Variants in CDYL observed in about 807,000 individuals in gnomAD.
CDYL encodes the protein chromodomain Y-like protein.
CDYL carries 8 observed loss-of-function variants against 47.3 expected under a neutral mutation model. The observed-to-expected ratio is 0.17, with a 90% CI of 0.10 to 0.31. The LOEUF (loss-of-function observed/expected upper bound fraction) is 0.31, where lower values mean the gene tolerates loss of function less well. CDYL is among the 10% of genes least tolerant of loss of function. The pLI is 1.00. For synonymous variants in CDYL, 266 were observed against 265.0 expected, an observed-to-expected ratio of 1.00 and a Z score of -0.04; for missense variants, 471 against 701.4, an observed-to-expected ratio of 0.67 and a Z score of 3.71.
At chr6:4,788,477 T>G (rs1758819969) in intron 1 of CDYL, among the ~76,000 whole-genome samples, 1 of 54,228 alleles carries the variant, frequency 1.8e-5, no homozygotes, top group Admixed American at 2.8e-4. Flanking sequence ...AGTGAGACTC[T>G]GTCAAAAAAA....
chr6:4,909,905 C>A (rs1389928906), intron 2 of CDYL, among the ~76,000 whole-genome samples: 1 of 152,098 alleles, frequency 6.6e-6, no homozygotes. Context: ...GCCTACAGGA[C>A]CCTTTGGGGC....
intron 3 of CDYL, among the ~76,000 whole-genome samples, chr6:4,742,098 T>G (rs1025842139): frequency 6.6e-6 from 1 of 152,206 alleles, no homozygotes; most frequent in Non-Finnish European, 1.5e-5. Flanking sequence ...TGGTGGCTCA[T>G]GCCTCTAACC....
At chr6:4,893,473 G>A (rs936405534) in intron 2 of CDYL, among the ~76,000 whole-genome samples, 6 of 152,254 alleles carry the variant, frequency 3.9e-5, no homozygotes, top group African/African-American at 7.2e-5. Context: ...AGGGCAGATC[G>A]CTTGAGGTCA....
At chr6:4,780,958 T>C (rs1758602882) in intron 1 of CDYL, among the ~76,000 whole-genome samples, 2 of 152,052 alleles carry the variant, frequency 1.3e-5, no homozygotes, top group Admixed American at 1.3e-4. Flanking sequence ...GTATTCTCTT[T>C]ATTTGTATGT....
At chr6:4,859,090 A>G (rs754159621) in intron 1 of CDYL, among the ~76,000 whole-genome samples, 1 of 152,140 alleles carries the variant, frequency 6.6e-6, no homozygotes, top group African/African-American at 2.4e-5. Flanking sequence ...TTATTTCTTT[A>G]AAAGCCTTTT....
intron 2 of CDYL, among the ~76,000 whole-genome samples, chr6:4,720,060 C>T (rs1207180348): frequency 6.6e-6 from 1 of 152,186 alleles, no homozygotes; most frequent in Non-Finnish European, 1.5e-5. Flanking sequence ...AATCGCAAAT[C>T]TCACCAACTA....
intron 2 of CDYL, among the ~76,000 whole-genome samples, chr6:4,733,800 C>T (rs565216705): frequency 6.9e-6 from 1 of 145,476 alleles, no homozygotes; most frequent in South Asian, 2.3e-4. Flanking sequence ...TTTTACTCCT[C>T]TTCTCCTCTC....
At chr6:4,906,875 G>A (rs1051372995) in intron 2 of CDYL, among the ~76,000 whole-genome samples, 1 of 152,114 alleles carries the variant, frequency 6.6e-6, no homozygotes, top group Non-Finnish European at 1.5e-5. Flanking sequence ...CTGTTAATAT[G>A]TTCTCAGTGA....
chr6:4,852,543 CCTTCCTTCCTTCCTTCCAAT>C lies in CDYL; in HGVS notation c.25-39139_25-39120del, dbSNP rs1310977161. Among the ~76,000 whole-genome samples the C allele has an allele frequency of 2.0e-4, 24 of 119,550 alleles. 1 individual carries two copies. The highest frequency in any genetic ancestry group is 7.7e-4 in the South Asian group (3 of 3,872). 78.4% of individuals were successfully genotyped at this position (119,550 alleles called of 152,430 possible). On this transcript the variant is annotated intron_variant, in intron 1 of 6. Transcript: ENST00000397588. Reference sequence around the variant, plus strand: ...TCCTTCCTTCCTTCCAATCTTCCTTCCTTCCTTCCTTCCTTCCAATCTTCCTTCCTTCCTTCCAATCTTCC... The same window carrying C: ...TCCTTCCTTCCTTCCAATCTTCCTTCCTTCCTTCCTTCCTTCCAATCTTCC...
chr6:4,852,047 G>A (rs1414075367), intron 1 of CDYL, among the ~76,000 whole-genome samples: 1 of 152,126 alleles, frequency 6.6e-6, no homozygotes, highest in African/African-American at 2.4e-5. Context: ...TTGCTCTTCT[G>A]TAAAGCGATG....
chr6:4,835,895 T>C (rs1248949966), intron 1 of CDYL, among the ~76,000 whole-genome samples: 1 of 152,178 alleles, frequency 6.6e-6, no homozygotes, highest in African/African-American at 2.4e-5. Context: ...GTGCGGGATA[T>C]AATCTCCTGG....
intron 1 of CDYL, among the ~76,000 whole-genome samples, chr6:4,880,517 A>G (rs894583563): frequency 4.6e-5 from 7 of 152,300 alleles, no homozygotes; most frequent in Admixed American, 2.6e-4. Context: ...GAAAGTTTTT[A>G]TAAGTTTTCA....
chr6:4,881,296 T>C (rs1017866336), intron 1 of CDYL, among the ~76,000 whole-genome samples: 1 of 152,232 alleles, frequency 6.6e-6, no homozygotes, highest in Non-Finnish European at 1.5e-5. Flanking sequence ...CATTTCGTTA[T>C]AATTCTCTAA....
chr6:4,735,053 G>A (rs1450208619), intron 3 of CDYL, among the ~76,000 whole-genome samples: 4 of 152,078 alleles, frequency 2.6e-5, no homozygotes, highest in Non-Finnish European at 4.4e-5. Flanking sequence ...TTGGGAGGCC[G>A]AGGCAGGCGG....
At chr6:4,892,608 A>G (rs1156939793) in intron 2 of CDYL, among the ~76,000 whole-genome samples, 2 of 151,166 alleles carry the variant, frequency 1.3e-5, no homozygotes, top group African/African-American at 4.9e-5. Flanking sequence ...GTGCTACCAC[A>G]CTGACTTGCT....
At chr6:4,888,483 T>A (rs1561688030) in intron 1 of CDYL, among the ~76,000 whole-genome samples, 1 of 152,196 alleles carries the variant, frequency 6.6e-6, no homozygotes, top group Non-Finnish European at 1.5e-5. Flanking sequence ...TTTGTAGTAA[T>A]GTTCCCTCTT....
chr6:4,849,680 A>G (rs1016163730), intron 1 of CDYL, among the ~76,000 whole-genome samples: 3 of 126,384 alleles, frequency 2.4e-5, no homozygotes, highest in East Asian at 4.0e-4. Flanking sequence ...TGGTCATGCC[A>G]GGAAAAAAAA....
At chr6:4,757,365 G>A (rs903064571) in intron 3 of CDYL, among the ~76,000 whole-genome samples, 31 of 152,184 alleles carry the variant, frequency 2.0e-4, no homozygotes, top group African/African-American at 7.5e-4. Context: ...CATGGTAGAG[G>A]ACAGTAGCTG....
intron 1 of CDYL, among the ~76,000 whole-genome samples, chr6:4,789,157 C>A (rs1039751631): frequency 3.3e-5 from 5 of 152,166 alleles, no homozygotes; most frequent in African/African-American, 1.2e-4. Flanking sequence ...CTCACTGCAG[C>A]CTCTGTCTCC....
Sources: gnomAD v4.1 joint callset for allele counts (sites outside exome capture counted in the v4.1 genomes callset) on GRCh38, gnomAD v4.1.1 for gene constraint, MANE v1.5 for transcripts, NCBI Gene and HGNC (gene_info 2026-07-23, HGNC 2026-07-21) for gene names.